NREP: variants seen among roughly 807,000 people sequenced by gnomAD.
NREP encodes the protein neuronal regeneration-related protein.
A neutral mutation model predicts 8.6 loss-of-function variants in NREP; 5 were observed. The ratio of observed to expected loss-of-function variants is 0.58; its 90% CI spans 0.30 to 1.22. The LOEUF (loss-of-function observed/expected upper bound fraction) is 1.22. Among genes scored for constraint, NREP ranks in the 50% most tolerant of loss-of-function variants. The pLI, the probability that NREP is intolerant of heterozygous loss-of-function variation, is 0.07. For synonymous variants in NREP, 27 were observed against 28.0 expected, an observed-to-expected ratio of 0.96 and a Z score of 0.11; for missense variants, 86 against 82.5, an observed-to-expected ratio of 1.04 and a Z score of -0.17.
intron 2 of NREP, among the ~76,000 whole-genome samples, chr5:111,830,018 T>G (rs1477982446): frequency 6.6e-6 from 1 of 152,174 alleles, no homozygotes; most frequent in Non-Finnish European, 1.5e-5. Context: ...GCACTGCCAC[T>G]CAGGAAAACT....
At chr5:111,884,846 T>C (rs909517836) in intron 2 of NREP, among the ~76,000 whole-genome samples, 197 of 152,298 alleles carry the variant, frequency 1.3e-3, no homozygotes, top group African/African-American at 4.6e-3. Flanking sequence ...GAGCTATCTA[T>C]GACAAACCCA....
At chr5:111,929,750 T>G (rs1278916892) in intron 2 of NREP, among the ~76,000 whole-genome samples, 1 of 152,190 alleles carries the variant, frequency 6.6e-6, no homozygotes, top group East Asian at 1.9e-4. Flanking sequence ...ATGTTTTCCA[T>G]TCTCAATCCT....
At chr5:111,890,911 C>G (rs1754379786) in intron 2 of NREP, among the ~76,000 whole-genome samples, 1 of 152,212 alleles carries the variant, frequency 6.6e-6, no homozygotes, top group South Asian at 2.1e-4. Context: ...ATTATCTTGG[C>G]TATCAGCACT....
intron 2 of NREP, among the ~76,000 whole-genome samples, chr5:111,951,475 G>T (rs1756158137): frequency 6.6e-6 from 1 of 151,864 alleles, no homozygotes; most frequent in African/African-American, 2.4e-5. Flanking sequence ...AGTGCTGATG[G>T]CTACTTTCAT....
chr5:111,830,487 T>C (rs934617236), intron 2 of NREP, among the ~76,000 whole-genome samples: 1 of 152,242 alleles, frequency 6.6e-6, no homozygotes, highest in Non-Finnish European at 1.5e-5. Flanking sequence ...ATGGGTGTTG[T>C]CAGCCATGAT....
intron 2 of NREP, among the ~76,000 whole-genome samples, chr5:111,799,065 C>T (rs944357232): frequency 1.3e-5 from 2 of 152,126 alleles, no homozygotes; most frequent in Non-Finnish European, 2.9e-5. Flanking sequence ...GTTTCCTTTT[C>T]ACTAACACTT....
intron 2 of NREP, among the ~76,000 whole-genome samples, chr5:111,844,715 A>G (rs1177792788): frequency 6.8e-6 from 1 of 147,810 alleles, no homozygotes; most frequent in African/African-American, 2.5e-5. Context: ...TTAGCCATTG[A>G]AAAATATATT....
chr5:111,741,514 C>T (rs72780103), intron 2 of NREP, among the ~76,000 whole-genome samples: 1,607 of 152,254 alleles, frequency 0.011, 12 homozygotes, highest in Non-Finnish European at 0.018. Flanking sequence ...GGATCATTTT[C>T]TCTGAACAAC....
chr5:111,781,564 C>T (rs1751494083), intron 2 of NREP, among the ~76,000 whole-genome samples: 1 of 152,170 alleles, frequency 6.6e-6, no homozygotes, highest in African/African-American at 2.4e-5. Context: ...TCAAGACAAA[C>T]TGTGGGAAAT....
intron 2 of NREP, among the ~76,000 whole-genome samples, chr5:111,808,602 C>A (rs930974348): frequency 3.3e-5 from 5 of 152,104 alleles, no homozygotes; most frequent in Non-Finnish European, 5.9e-5. Flanking sequence ...TGGAACTGAG[C>A]CTCTTACCCT....
At chr5:111,736,554 G>T (rs1402806693) in intron 2 of NREP, among the ~76,000 whole-genome samples, 2 of 152,142 alleles carry the variant, frequency 1.3e-5, no homozygotes, top group Non-Finnish European at 2.9e-5. Flanking sequence ...AGCCGTAATT[G>T]AGGTAACCTA....
chr5:111,730,889 C>G lies in NREP; in HGVS notation c.*32G>C, dbSNP rs746849959. 2 of 1,612,544 alleles carry G rather than the reference C, an allele frequency of 1.2e-6. No individual in the cohort carries two copies. Among genetic ancestry groups the G allele is most frequent in the Admixed American group, 3.3e-5 (2 of 59,972 alleles). ...TACCATGACCTCATCAATACCCATA[C>G]ACCATATGTAATACAAATGGAGGTG... On this transcript the variant is annotated 3_prime_UTR_variant, in exon 4 of 4. Coordinates refer to ENST00000257435, the MANE Select transcript of NREP (RefSeq NM_004772.4).
intron 2 of NREP, among the ~76,000 whole-genome samples, chr5:111,971,010 C>T (rs573516920): frequency 2.0e-5 from 3 of 151,952 alleles, no homozygotes; most frequent in Admixed American, 6.6e-5. Context: ...TTAGGTGTTC[C>T]GATGTGATGT....
At chr5:111,782,280 T>C (rs1751511130) in intron 2 of NREP, among the ~76,000 whole-genome samples, 1 of 152,222 alleles carries the variant, frequency 6.6e-6, no homozygotes, top group Non-Finnish European at 1.5e-5. Context: ...CTGCAGTATA[T>C]GGAACTGGCA....
rs1748477909 is a variant in NREP at position 111,730,813 on chromosome 5, T to C, written c.*108A>G. 7.8e-6 allele frequency: 10 copies of C among 1,275,910 alleles called. No homozygotes were observed. In the Admixed American group the frequency reaches 1.1e-4, roughly 13 times the overall value. 79.0% of individuals were successfully genotyped at this position (1,275,910 alleles called of 1,614,324 possible). A position where few individuals can be genotyped will look rare whatever the true frequency, so the allele number is the denominator to read the frequency against. ...CTCTAAAGCAAGGCTCAGAGTCCCA[T>C]AGTTTCTTCTTATACTTGATGATTT... On this transcript the variant is annotated 3_prime_UTR_variant, in exon 4 of 4. Coordinates refer to ENST00000257435, the MANE Select transcript of NREP (RefSeq NM_004772.4).
intron 2 of NREP, among the ~76,000 whole-genome samples, chr5:111,801,276 G>A (rs1325546925): frequency 6.6e-6 from 1 of 152,194 alleles, no homozygotes; most frequent in Non-Finnish European, 1.5e-5. Context: ...CCTCTAAGTT[G>A]TATTTACCCT....
intron 2 of NREP, among the ~76,000 whole-genome samples, chr5:111,943,229 G>C (rs1311783593): frequency 1.3e-5 from 2 of 151,926 alleles, no homozygotes; most frequent in Non-Finnish European, 2.9e-5. Flanking sequence ...TAACATTTTT[G>C]AGCATTCATC....
intron 2 of NREP, among the ~76,000 whole-genome samples, chr5:111,941,573 C>A (rs1755830630): frequency 6.6e-6 from 1 of 152,038 alleles, no homozygotes; most frequent in Non-Finnish European, 1.5e-5. Context: ...AGCCTGTCTC[C>A]AAATAGAGTC....
intron 2 of NREP, among the ~76,000 whole-genome samples, chr5:111,907,395 T>C (rs1754804732): frequency 6.6e-6 from 1 of 152,126 alleles, no homozygotes; most frequent in African/African-American, 2.4e-5. Context: ...TTTATACCTA[T>C]GCATTGGATG....
Sources: gnomAD v4.1 joint callset for allele counts (sites outside exome capture counted in the v4.1 genomes callset) on GRCh38, gnomAD v4.1.1 for gene constraint, MANE v1.5 for transcripts, NCBI Gene and HGNC (gene_info 2026-07-23, HGNC 2026-07-21) for gene names.